Variants in TENM4 observed in about 807,000 individuals in gnomAD.
TENM4 encodes teneurin transmembrane protein 4.
In TENM4, 82 loss-of-function variants were observed where a neutral mutation model predicts 243.3. The ratio of observed to expected loss-of-function variants is 0.34; its 90% CI spans 0.28 to 0.40. The LOEUF is 0.40. TENM4 is among the 10% of genes least tolerant of loss of function. The pLI, the probability that TENM4 is intolerant of heterozygous loss-of-function variation, is 1.00. For missense variants in TENM4, 3,138 were observed against 3,673.3 expected (o/e 0.85, Z 3.77); for synonymous variants, 1,412 against 1,456.3 (o/e 0.97, Z 0.69).
At chr11:79,243,662 C>T (rs1855463661) in intron 2 of TENM4, among the ~76,000 whole-genome samples, 1 of 152,218 alleles carries the variant, frequency 6.6e-6, no homozygotes, top group South Asian at 2.1e-4. Context: ...TCACCAGGGA[C>T]AGGCAGGAAG....
intron 13 of TENM4, 102 bp downstream of exon 13, chr11:78,814,192 T>A: frequency 8.8e-7 from 1 of 1,131,006 alleles, no homozygotes; most frequent in South Asian, 1.5e-5. Flanking sequence ...CTCGTGGGCA[T>A]CAGAAGGTGG....
chr11:79,154,302 G>T (rs1341209071), intron 3 of TENM4, among the ~76,000 whole-genome samples: 2 of 151,966 alleles, frequency 1.3e-5, no homozygotes, highest in Admixed American at 1.3e-4. Context: ...GAGAGAGAGA[G>T]GAGGTGCCAT....
intron 12 of TENM4, among the ~76,000 whole-genome samples, chr11:78,833,307 T>C (rs1858024192): frequency 6.6e-6 from 1 of 152,226 alleles, no homozygotes; most frequent in Non-Finnish European, 1.5e-5. Context: ...ATAATGTGCT[T>C]ATACAGCAAT....
chr11:79,069,699 C>G (rs994337214), intron 5 of TENM4, 23 bp downstream of exon 5: 1 of 1,537,934 alleles, frequency 6.5e-7, no homozygotes, highest in Non-Finnish European at 8.8e-7. Context: ...GCCTGAGGCC[C>G]GCCCCCTCGG....
intron 3 of TENM4, among the ~76,000 whole-genome samples, chr11:79,173,719 A>G (rs1392739535): frequency 6.6e-6 from 1 of 152,220 alleles, no homozygotes; most frequent in Non-Finnish European, 1.5e-5. Flanking sequence ...AGCCTGGTGC[A>G]GAGCTGCTGG....
intron 1 of TENM4, among the ~76,000 whole-genome samples, chr11:79,365,679 G>A (rs1183702742): frequency 6.6e-6 from 1 of 152,174 alleles, no homozygotes; most frequent in Non-Finnish European, 1.5e-5. Flanking sequence ...TCTGACTACT[G>A]CATAGGTTAG....
chr11:78,896,472 C>T lies in TENM4; in HGVS notation c.750-5136G>A, dbSNP rs144203675. Among the ~76,000 whole-genome samples the T allele has an allele frequency of 6.3e-3, 953 of 152,302 alleles. 2 individuals carry two copies. Among genetic ancestry groups the T allele is most frequent in the Middle Eastern group, 0.014 (4 of 294 alleles). On this transcript the variant is annotated intron_variant, in intron 7 of 33. Coordinates refer to ENST00000278550, the MANE Select transcript of TENM4 (RefSeq NM_001098816.3). ...AAAGCTCTTGCTAGCTATTCACCCT[C>T]ATGTCTACCACCCCAGCCTCCAGGC...
chr11:78,936,570 A>G (rs1239586184), intron 6 of TENM4, among the ~76,000 whole-genome samples: 1 of 152,180 alleles, frequency 6.6e-6, no homozygotes, highest in East Asian at 1.9e-4. Flanking sequence ...CCAAGTACCT[A>G]AATATACTAT....
chr11:79,124,509 T>C (rs1861821591), intron 4 of TENM4, among the ~76,000 whole-genome samples: 1 of 151,942 alleles, frequency 6.6e-6, no homozygotes, highest in African/African-American at 2.4e-5. Flanking sequence ...CTGGACTGGC[T>C]CTCTTTGCTC....
chr11:79,228,858 G>A (rs1864324296), intron 2 of TENM4, among the ~76,000 whole-genome samples: 1 of 152,142 alleles, frequency 6.6e-6, no homozygotes, highest in Admixed American at 6.5e-5. Flanking sequence ...TATAATGAAT[G>A]AACCAATATT....
intron 4 of TENM4, among the ~76,000 whole-genome samples, chr11:79,077,663 C>T (rs958423379): frequency 5.9e-5 from 9 of 152,160 alleles, no homozygotes; most frequent in Non-Finnish European, 8.8e-5. Context: ...AAAAATGAAC[C>T]TGGCACAGAC....
intron 2 of TENM4, among the ~76,000 whole-genome samples, chr11:79,246,331 A>G (rs1300266582): frequency 6.6e-6 from 1 of 152,222 alleles, no homozygotes; most frequent in Non-Finnish European, 1.5e-5. Context: ...TCCTTACAGC[A>G]TAAGTTAATG....
intron 15 of TENM4, among the ~76,000 whole-genome samples, chr11:78,802,604 T>C (rs1323022710): frequency 6.6e-6 from 1 of 152,196 alleles, no homozygotes; most frequent in African/African-American, 2.4e-5. Flanking sequence ...ACTCCCAGCT[T>C]CCTCCCTCAC....
chr11:78,990,998 C>A (rs1013248882), intron 6 of TENM4, among the ~76,000 whole-genome samples: 3 of 152,064 alleles, frequency 2.0e-5, no homozygotes, highest in African/African-American at 4.8e-5. Flanking sequence ...GGACACAGGG[C>A]CCAGAGAGAT....
intron 1 of TENM4, among the ~76,000 whole-genome samples, chr11:79,314,375 T>A (rs926058799): frequency 6.6e-6 from 1 of 152,204 alleles, no homozygotes; most frequent in African/African-American, 2.4e-5. Context: ...TCCCTGCAAC[T>A]CTAGAAAAAT....
chr11:78,844,172 T>C (rs1448607064), intron 12 of TENM4, among the ~76,000 whole-genome samples: 3 of 152,234 alleles, frequency 2.0e-5, no homozygotes, highest in African/African-American at 7.2e-5. Flanking sequence ...AGACTGCTAC[T>C]ATCTTATGGT....
rs1301845057 is a variant in TENM4, at chr11:78,814,394, C to T, written c.1683G>A (p.Glu561=). The change falls in exon 13 of 34, where the codon GAG becomes GAA. Residue 561 remains glutamate, a splice_region_variant and synonymous_variant. Transcript: ENST00000278550. ...AGTTGCTGGGGCAGTTATCCACCGACTCTGGGGAGAGAAAGGAGAAGGAGA... is the reference window on the plus strand; with the variant it reads ...AGTTGCTGGGGCAGTTATCCACCGATTCTGGGGAGAGAAAGGAGAAGGAGA... ...EVVSFLTTAI[E]SVDNCPSNCY... 1 of 1,548,568 alleles carries T rather than the reference C, an allele frequency of 6.5e-7. No individual in the cohort carries two copies. Among genetic ancestry groups the T allele is most frequent in the Admixed American group, 2.0e-5 (1 of 50,496 alleles).
chr11:78,976,492 A>T (rs1313212959), intron 6 of TENM4, among the ~76,000 whole-genome samples: 1 of 152,254 alleles, frequency 6.6e-6, no homozygotes, highest in Non-Finnish European at 1.5e-5. Flanking sequence ...GCTTTTCCCC[A>T]GTAAATGCCC....
intron 6 of TENM4, among the ~76,000 whole-genome samples, chr11:79,030,272 T>C (rs1423239608): frequency 6.6e-6 from 1 of 152,068 alleles, no homozygotes; most frequent in African/African-American, 2.4e-5. Context: ...CTCATATATA[T>C]AAAGGGAAAT....
Sources: gnomAD v4.1 joint callset for allele counts (sites outside exome capture counted in the v4.1 genomes callset) on GRCh38, gnomAD v4.1.1 for gene constraint, MANE v1.5 for transcripts, NCBI Gene and HGNC (gene_info 2026-07-23, HGNC 2026-07-21) for gene names.